The following LOC128706666 variants were observed in gnomAD, a reference collection of about 807,000 sequenced individuals.
the LOC128706666 span, among the ~76,000 whole-genome samples, chr20:10,433,743 C>CA: frequency 1.3e-5 from 2 of 152,106 alleles, no homozygotes; most frequent in Non-Finnish European, 2.9e-5. Flanking sequence ...TCCAGACAGT[C>CA]AGGGGCACAC....
chr20:10,423,197 G>A, the LOC128706666 span, among the ~76,000 whole-genome samples: 5 of 152,054 alleles, frequency 3.3e-5, no homozygotes, highest in African/African-American at 1.2e-4. Context: ...CTAACACTTC[G>A]GGAGCCTGAG....
the LOC128706666 span, among the ~76,000 whole-genome samples, chr20:10,422,179 C>A: frequency 6.6e-6 from 1 of 152,036 alleles, no homozygotes; most frequent in Non-Finnish European, 1.5e-5. Flanking sequence ...CATTATAAAT[C>A]ATTTCTCCCA....
At chr20:10,429,057 CT>C in the LOC128706666 span, among the ~76,000 whole-genome samples, 2 of 152,144 alleles carry the variant, frequency 1.3e-5, no homozygotes, top group African/African-American at 4.8e-5. Flanking sequence ...AACAAATTCC[CT>C]AAGGCAACTG....
chr20:10,432,855 T>C, the LOC128706666 span, among the ~76,000 whole-genome samples: 1 of 149,734 alleles, frequency 6.7e-6, no homozygotes, highest in Non-Finnish European at 1.5e-5. Flanking sequence ...TCCTTCCATG[T>C]ACCTTAAATA....
the LOC128706666 span, among the ~76,000 whole-genome samples, chr20:10,416,569 A>G: frequency 1.3e-5 from 2 of 152,210 alleles, no homozygotes; most frequent in African/African-American, 4.8e-5. Flanking sequence ...AAAAACCCTA[A>G]GTGGCTTGAG....
the LOC128706666 span, among the ~76,000 whole-genome samples, chr20:10,426,895 C>T: frequency 2.0e-5 from 3 of 152,126 alleles, no homozygotes; most frequent in Admixed American, 1.3e-4. Context: ...GTTCAGTTTT[C>T]TTTAATTTAG....
the LOC128706666 span, among the ~76,000 whole-genome samples, chr20:10,420,237 T>C: frequency 6.6e-6 from 1 of 152,210 alleles, no homozygotes; most frequent in Non-Finnish European, 1.5e-5. Context: ...TTGTGATATG[T>C]AATGGTAAGG....
chr20:10,425,957 TAG>T, the LOC128706666 span, among the ~76,000 whole-genome samples: 1 of 152,328 alleles, frequency 6.6e-6, no homozygotes, highest in East Asian at 1.9e-4. Context: ...TCAAGTAAAA[TAG>T]AGTTGATATT....
chr20:10,416,379 G>T, the LOC128706666 span, among the ~76,000 whole-genome samples: 1 of 151,976 alleles, frequency 6.6e-6, no homozygotes, highest in Non-Finnish European at 1.5e-5. Flanking sequence ...CAAAAGTAAG[G>T]ATGTTATTAA....
chr20:10,423,533 T>C, the LOC128706666 span, among the ~76,000 whole-genome samples: 1 of 152,204 alleles, frequency 6.6e-6, no homozygotes, highest in Non-Finnish European at 1.5e-5. Context: ...TGACAATCTG[T>C]AACACTAATG....
chr20:10,415,796 T>C, the LOC128706666 span, among the ~76,000 whole-genome samples: 1 of 152,268 alleles, frequency 6.6e-6, no homozygotes, highest in African/African-American at 2.4e-5. Flanking sequence ...CAGAATGCCA[T>C]GTTGGCACCT....
chr20:10,414,334 T>A, the LOC128706666 span, among the ~76,000 whole-genome samples: 2 of 150,684 alleles, frequency 1.3e-5, no homozygotes, highest in African/African-American at 4.9e-5. Flanking sequence ...GGCGTGATCT[T>A]GGCTCACCAC....
the LOC128706666 span, chr20:10,420,530 G>A: frequency 6.6e-6 from 1 of 152,212 alleles, no homozygotes. Flanking sequence ...GAACTTACCT[G>A]AAGATTGCAA....
At chr20:10,432,231 G>A in the LOC128706666 span, among the ~76,000 whole-genome samples, 1 of 152,220 alleles carries the variant, frequency 6.6e-6, no homozygotes, top group East Asian at 1.9e-4. Flanking sequence ...GACTGGTGGA[G>A]AACATCCTTG....
the LOC128706666 span, chr20:10,431,660 T>C: frequency 2.0e-5 from 3 of 152,206 alleles, no homozygotes; most frequent in African/African-American, 7.2e-5. Context: ...TCCTCTGAAT[T>C]AGTCTCAATC....
At chr20:10,416,294 G>C in the LOC128706666 span, among the ~76,000 whole-genome samples, 1 of 152,084 alleles carries the variant, frequency 6.6e-6, no homozygotes, top group Non-Finnish European at 1.5e-5. Context: ...AAAGCAAATG[G>C]AGTTCTTTGG....
the LOC128706666 span, among the ~76,000 whole-genome samples, chr20:10,425,794 G>T: frequency 6.8e-6 from 1 of 148,086 alleles, no homozygotes; most frequent in South Asian, 2.2e-4. Flanking sequence ...AGCAACAAGA[G>T]AAATGAGATT....
At chr20:10,425,063 AAAAG>A in the LOC128706666 span, among the ~76,000 whole-genome samples, 5,120 of 151,788 alleles carry the variant, frequency 0.034, 261 homozygotes, top group East Asian at 0.27. Context: ...CAAAAAAAAA[AAAAG>A]AAAGAAAGAA....
the LOC128706666 span, among the ~76,000 whole-genome samples, chr20:10,433,106 C>G: frequency 1.3e-5 from 2 of 152,230 alleles, no homozygotes; most frequent in Non-Finnish European, 2.9e-5. Flanking sequence ...AGGGCTCAAG[C>G]GATTCTCCTG....
Sources: gnomAD v4.1 joint callset for allele counts (sites outside exome capture counted in the v4.1 genomes callset) on GRCh38, gnomAD v4.1.1 for gene constraint, MANE v1.5 for transcripts.